The following MGST1 variants were observed in gnomAD, a reference collection of about 807,000 sequenced individuals.
MGST1 encodes microsomal glutathione S-transferase 1, also known as glutathione S-transferase 12.
In MGST1, 5 loss-of-function variants were observed where a neutral mutation model predicts 8.9. The observed-to-expected ratio is 0.56, with a 90% CI of 0.29 to 1.19. MGST1 has a LOEUF of 1.19. MGST1 is among the 50% of genes most tolerant of loss of function. MGST1 has a pLI of 0.08. For missense variants in MGST1, 182 were observed against 187.4 expected (o/e 0.97, Z 0.17); for synonymous variants, 54 against 67.8 (o/e 0.80, Z 1.00).
chr12:16,406,659 A>G lies in MGST1; in HGVS notation n.778+23055A>G, dbSNP rs554401680. Among the ~76,000 whole-genome samples the G allele has an allele frequency of 1.1e-4, 17 of 152,344 alleles. No individual in the cohort carries two copies. In the South Asian group the frequency reaches 3.1e-3, roughly 28 times the overall value. ...ATCATACTACTGGACTTCAAACTAT[A>G]CTACAGGGCTACAGAAACCAAAATA... On this transcript the variant is annotated intron_variant and non_coding_transcript_variant, in intron 1 of 1. Coordinates refer to the MGST1 transcript ENST00000359720.
chr12:16,536,644 G>T (rs973134221), intron 4 of MGST1, among the ~76,000 whole-genome samples: 1 of 152,140 alleles, frequency 6.6e-6, no homozygotes, highest in African/African-American at 2.4e-5. Context: ...GTTCCATATG[G>T]CTGGGAGGCC....
rs949778164 is a variant in MGST1 at position 16,389,788 on chromosome 12, C to A, written n.778+6184C>A. 2.0e-5 allele frequency among the ~76,000 whole-genome samples: 3 copies of A among 151,854 alleles called. No homozygotes were observed. Among genetic ancestry groups the A allele is most frequent in the African/African-American group, 7.3e-5 (3 of 41,336 alleles). ...TCATAGTAAGAGCTTGCAGAGGTGG[C>A]TGGGAGTGAGGCATGAGATCTCTCG... On this transcript the variant is annotated intron_variant and non_coding_transcript_variant, in intron 1 of 1. Transcript: ENST00000359720. This position sits in a 1 kb window ranked among gnomAD's most constrained non-coding sequence, Gnocchi z 4.6.
chr12:16,425,185 A>G (rs573847826), intron 1 of MGST1, among the ~76,000 whole-genome samples: 5 of 152,276 alleles, frequency 3.3e-5, no homozygotes, highest in African/African-American at 9.6e-5. Flanking sequence ...TACTTTATCT[A>G]CTTAAGGACA....
At chr12:16,404,930 G>C (rs916522296) in intron 1 of MGST1, among the ~76,000 whole-genome samples, 1 of 152,024 alleles carries the variant, frequency 6.6e-6, no homozygotes, top group Admixed American at 6.6e-5. Flanking sequence ...TCTAAGAACT[G>C]TCTGGTAAAT....
At chr12:16,551,912 G>A (rs1043411486) in intron 4 of MGST1, among the ~76,000 whole-genome samples, 1 of 151,946 alleles carries the variant, frequency 6.6e-6, no homozygotes, top group Admixed American at 6.6e-5. Flanking sequence ...CTGATGCTGA[G>A]CCATTTTCCT....
intron 4 of MGST1, among the ~76,000 whole-genome samples, chr12:16,459,266 TATA>T (rs1941201814): frequency 6.6e-6 from 1 of 152,054 alleles, no homozygotes; most frequent in Non-Finnish European, 1.5e-5. Flanking sequence ...GAAGTGTGGG[TATA>T]ATAATATCAT....
At chr12:16,424,215 G>A (rs1265152981) in intron 1 of MGST1, among the ~76,000 whole-genome samples, 20 of 152,198 alleles carry the variant, frequency 1.3e-4, no homozygotes, top group Admixed American at 1.0e-3. Flanking sequence ...CTTTGTGAAG[G>A]ATATAGTGTG....
At chr12:16,428,993 A>T (rs1225029969) in intron 1 of MGST1, among the ~76,000 whole-genome samples, 2 of 152,016 alleles carry the variant, frequency 1.3e-5, no homozygotes, top group African/African-American at 2.4e-5. Context: ...TTGTAGTTCC[A>T]CATCGTTGTG....
chr12:16,431,349 GT>G (rs1395663665), intron 1 of MGST1, among the ~76,000 whole-genome samples: 4 of 152,022 alleles, frequency 2.6e-5, no homozygotes, highest in Non-Finnish European at 5.9e-5. Flanking sequence ...ATTCACACCT[GT>G]TTGGCATAAG....
At position 16,500,843 on chromosome 12, in the gene MGST1, C is replaced by T. The variant is rs1177728224; in HGVS notation, n.483-88685C>T. On this transcript the variant is annotated intron_variant and non_coding_transcript_variant, in intron 4 of 4. Coordinates refer to the MGST1 transcript ENST00000538857. The surrounding 1 kb of genome is among the most constrained non-coding windows in gnomAD (Gnocchi z 4.3). ...CTTAGAGGTTGGGCGTGGTGGCTCA[C>T]GCCTGTAATCCCAGCACTTTGGGAG... Among the ~76,000 whole-genome samples the T allele has an allele frequency of 2.6e-5, 4 of 152,140 alleles. No homozygotes were observed. The highest frequency in any genetic ancestry group is 5.9e-5 in the Non-Finnish European group (4 of 68,016).
chr12:16,542,478 T>G (rs1004348437), intron 4 of MGST1, among the ~76,000 whole-genome samples: 1 of 152,220 alleles, frequency 6.6e-6, no homozygotes, highest in Non-Finnish European at 1.5e-5. Flanking sequence ...CATTTCTTAT[T>G]CCCTCTTTTG....
chr12:16,484,474 C>T (rs577342751), intron 4 of MGST1, among the ~76,000 whole-genome samples: 1 of 152,118 alleles, frequency 6.6e-6, no homozygotes, highest in African/African-American at 2.4e-5. Flanking sequence ...TAAATAAATA[C>T]CTGAAACTGG....
At chr12:16,511,091 T>A (rs1388392515) in intron 4 of MGST1, among the ~76,000 whole-genome samples, 1 of 152,270 alleles carries the variant, frequency 6.6e-6, no homozygotes, top group East Asian at 1.9e-4. Flanking sequence ...AAGTTTATAT[T>A]CAAAGTTAAT....
In MGST1 at chr12:16,363,175, C is replaced by T. The variant is rs1450566979; in HGVS notation, c.222-620C>T. 6.6e-6 allele frequency: 1 copy of T among 152,086 alleles called. No individual in the cohort carries two copies. Among genetic ancestry groups the T allele is most frequent in the Non-Finnish European group, 1.5e-5 (1 of 68,026 alleles). The allele number at this position is 152,086 out of a possible 1,614,324, so 9.4% of individuals were successfully genotyped here. On this transcript the variant is annotated intron_variant, in intron 3 of 3. Transcript: ENST00000396210. This position sits in a 1 kb window ranked among gnomAD's most constrained non-coding sequence, Gnocchi z 4.6. ...TCCTTTGTAGTTTTGCACCATCATT[C>T]CTAACGAATTTATTTGGCATTTGGA... is the stretch of plus-strand genomic sequence containing the variant.
intron 4 of MGST1, among the ~76,000 whole-genome samples, chr12:16,580,945 C>T (rs1257483177): frequency 6.6e-6 from 1 of 152,158 alleles, no homozygotes; most frequent in African/African-American, 2.4e-5. Flanking sequence ...ATGCTATATA[C>T]AACACAGACA....
intron 1 of MGST1, among the ~76,000 whole-genome samples, chr12:16,404,019 A>G (rs950452808): frequency 1.4e-4 from 21 of 152,230 alleles, no homozygotes; most frequent in Non-Finnish European, 4.4e-5. Flanking sequence ...TTTAATATCA[A>G]TTATGAGAAA....
At chr12:16,450,839 CGTGT>C (rs66984063) in intron 4 of MGST1, among the ~76,000 whole-genome samples, 79,155 of 147,746 alleles carry the variant, frequency 0.54, 22,209 homozygotes, top group East Asian at 0.68. Context: ...ATATATATTC[CGTGT>C]GTGTGTGTGT....
At chr12:16,440,656 G>A (rs956912276), downstream of MGST1, among the ~76,000 whole-genome samples, 1 of 151,782 alleles carries the variant, frequency 6.6e-6, no homozygotes, top group African/African-American at 2.4e-5. Context: ...TTCTTCATGA[G>A]CACAAAAGCT....
intron 4 of MGST1, among the ~76,000 whole-genome samples, chr12:16,465,996 T>G (rs1314205827): frequency 2.0e-5 from 3 of 152,240 alleles, no homozygotes; most frequent in Non-Finnish European, 4.4e-5. Flanking sequence ...CTAATAACTC[T>G]TATTTTTCTT....
Sources: gnomAD v4.1 joint callset for allele counts (sites outside exome capture counted in the v4.1 genomes callset) on GRCh38, gnomAD v4.1.1 for gene constraint, Gnocchi (gnomAD v3.1) non-coding constraint, MANE v1.5 for transcripts, NCBI Gene and HGNC (gene_info 2026-07-23, HGNC 2026-07-21) for gene names.